The following CTNNA3 variants were observed in gnomAD, a reference collection of about 807,000 sequenced individuals.
CTNNA3 encodes catenin alpha 3, also known as catenin alpha-3.
In CTNNA3, 76 loss-of-function variants were observed where a neutral mutation model predicts 95.7. The ratio of observed to expected loss-of-function variants is 0.79; its 90% confidence interval spans 0.66 to 0.96. The LOEUF (loss-of-function observed/expected upper bound fraction) is 0.96, where lower values mean the gene tolerates loss of function less well. CTNNA3 is among the 40% of genes least tolerant of loss of function. The probability of loss-of-function intolerance (pLI) is 0.00; values close to 1 mark genes in which losing one functional copy is unlikely to be tolerated. For missense variants in CTNNA3, 1,191 were observed against 1,089.8 expected (o/e 1.09, Z -1.31); for synonymous variants, 431 against 374.4 (o/e 1.15, Z -1.74).
rs778009849 is a variant in CTNNA3, at chr10:67,346,687, G to A, written c.580-126817C>T. 66 of 512,022 alleles carry A rather than the reference G, an allele frequency of 1.3e-4. 1 individual carries two copies. The highest frequency in any genetic ancestry group is 8.5e-4 in the South Asian group (60 of 70,218). 31.7% of individuals were successfully genotyped at this position (512,022 alleles called of 1,614,324 possible). On this transcript the variant is annotated intron_variant, in intron 5 of 17. Coordinates refer to ENST00000433211, the MANE Select transcript of CTNNA3 (RefSeq NM_013266.4). ...CTGCAGGCCTTCCTAATCTCGTGGC[G>A]ATAGATGAGAGTTCATTAATAGAAA...
In CTNNA3 at chr10:67,308,285, C is replaced by CG. The variant is rs142453895; in HGVS notation, c.580-88416dup. 1.4e-4 allele frequency among the ~76,000 whole-genome samples: 21 copies of CG among 152,132 alleles called. No homozygotes were observed. The East Asian group carries it at 2.1e-3, about 15-fold the overall frequency. On this transcript the variant is annotated intron_variant, in intron 5 of 17. Transcript: ENST00000433211. ...ATACCCATGTGTCATCGGAGGGACCCGGGGGGGAAGTAATTGAATCATGGG... is the reference window on the plus strand; with the variant it reads ...ATACCCATGTGTCATCGGAGGGACCCGGGGGGGGAAGTAATTGAATCATGGG...
At chr10:67,066,995 T>A (rs1422411608) in intron 7 of CTNNA3, among the ~76,000 whole-genome samples, 1 of 152,166 alleles carries the variant, frequency 6.6e-6, no homozygotes. Context: ...GAAATTTATG[T>A]TTTTATAGGC....
intron 1 of CTNNA3, among the ~76,000 whole-genome samples, chr10:67,720,795 A>T (rs1472869356): frequency 6.6e-6 from 1 of 152,118 alleles, no homozygotes; most frequent in Non-Finnish European, 1.5e-5. Flanking sequence ...CTCTACTAAA[A>T]ATACAAAAAT....
chr10:66,426,424 C>T (rs2093241911), intron 11 of CTNNA3, among the ~76,000 whole-genome samples: 1 of 152,044 alleles, frequency 6.6e-6, no homozygotes, highest in Non-Finnish European at 1.5e-5. Context: ...TTTTAATTTA[C>T]TCTTCTTGCT....
chr10:67,046,648 A>G (rs187668899), intron 7 of CTNNA3, among the ~76,000 whole-genome samples: 97 of 152,368 alleles, frequency 6.4e-4, no homozygotes, highest in Middle Eastern at 6.8e-3. Context: ...TTTCAGCAGA[A>G]AAGATTGGAA....
Position 65,966,737 on chromosome 10 carries a change from G to T in CTNNA3, c.2275C>A (p.Pro759Thr). Residue 759 changes from proline to threonine, a missense_variant, in exon 17 of 18, where the codon CCA becomes ACA. Transcript: ENST00000433211. ...GCCAACAAGTCCTGTTTACAAGATG[G>T]ATCTGGGCACTAAATATGAATCAAA... ...ARQIANQCPD[P>T]SCKQDLLAYL... 1.2e-6 allele frequency: 2 copies of T among 1,609,060 alleles called. No individual in the cohort carries two copies. Among genetic ancestry groups the T allele is most frequent in the Non-Finnish European group, 1.7e-6 (2 of 1,176,424 alleles).
chr10:66,013,531 C>T (rs1469845375), intron 15 of CTNNA3, among the ~76,000 whole-genome samples: 1 of 152,180 alleles, frequency 6.6e-6, no homozygotes, highest in Non-Finnish European at 1.5e-5. Flanking sequence ...ACACACATCA[C>T]ACACTAGTAT....
At chr10:66,539,764 T>C (rs529694777) in intron 10 of CTNNA3, among the ~76,000 whole-genome samples, 10 of 152,164 alleles carry the variant, frequency 6.6e-5, no homozygotes, top group African/African-American at 2.4e-4. Context: ...AATTTTTTCC[T>C]TTACAAAAAA....
At chr10:67,693,077 C>T (rs1247899939) in intron 1 of CTNNA3, among the ~76,000 whole-genome samples, 2 of 152,286 alleles carry the variant, frequency 1.3e-5, no homozygotes, top group Non-Finnish European at 2.9e-5. Context: ...CCATTTTGCA[C>T]ACAGGAACTC....
chr10:67,432,798 T>TGG (rs1297735598), intron 5 of CTNNA3, among the ~76,000 whole-genome samples: 1 of 152,044 alleles, frequency 6.6e-6, no homozygotes, highest in Non-Finnish European at 1.5e-5. Flanking sequence ...TTTATCTTTT[T>TGG]GGGGGTCACC....
intron 11 of CTNNA3, among the ~76,000 whole-genome samples, chr10:66,385,415 T>A (rs539877675): frequency 6.6e-6 from 1 of 151,912 alleles, no homozygotes; most frequent in African/African-American, 2.4e-5. Flanking sequence ...TCTGAATAGA[T>A]CAATAACAGG....
chr10:66,038,010 C>A (rs142099479), intron 15 of CTNNA3, among the ~76,000 whole-genome samples: 61 of 152,282 alleles, frequency 4.0e-4, no homozygotes, highest in African/African-American at 1.4e-3. Context: ...TACGTGTTCA[C>A]CAGCCCAGAA....
At chr10:67,045,198 G>C (rs1459319002) in intron 7 of CTNNA3, among the ~76,000 whole-genome samples, 1 of 152,138 alleles carries the variant, frequency 6.6e-6, no homozygotes, top group Non-Finnish European at 1.5e-5. Context: ...CAGACTTGTA[G>C]TGGTATTCTT....
intron 7 of CTNNA3, among the ~76,000 whole-genome samples, chr10:67,133,218 G>GA (rs555560934): frequency 1.3e-5 from 2 of 148,530 alleles, no homozygotes. Context: ...CAATAAAAGA[G>GA]AAAAAATTAA....
intron 1 of CTNNA3, among the ~76,000 whole-genome samples, chr10:67,731,913 A>C (rs1252494868): frequency 6.6e-6 from 1 of 151,216 alleles, no homozygotes; most frequent in Non-Finnish European, 1.5e-5. Flanking sequence ...GGTACCCGCC[A>C]CCAAGCCCGG....
chr10:67,059,231 A>T (rs1027085265), intron 7 of CTNNA3, among the ~76,000 whole-genome samples: 1 of 152,198 alleles, frequency 6.6e-6, no homozygotes, highest in Non-Finnish European at 1.5e-5. Context: ...GAGCCAGATC[A>T]CCATTTTCCA....
chr10:67,642,510 G>T (rs536168514), intron 2 of CTNNA3, among the ~76,000 whole-genome samples: 4 of 152,154 alleles, frequency 2.6e-5, no homozygotes, highest in Non-Finnish European at 5.9e-5. Flanking sequence ...CTGAGGTCAG[G>T]AGTTCGAGAC....
rs145384933 is a variant in CTNNA3 at position 67,343,878 on chromosome 10, T to C, written c.580-124008A>G. ...TTTTTTCTCCATTCTATATGACAGA[T>C]CCCCAGCTAGTATAACACTACAGCT... is the stretch of plus-strand genomic sequence containing the variant. On this transcript the variant is annotated intron_variant, in intron 5 of 17. Coordinates refer to ENST00000433211, the MANE Select transcript of CTNNA3 (RefSeq NM_013266.4). 6.1e-3 allele frequency among the ~76,000 whole-genome samples: 916 copies of C among 150,104 alleles called. 32 individuals are homozygous for C. Among genetic ancestry groups the C allele is most frequent in the Admixed American group, 0.051 (763 of 15,054 alleles).
intron 2 of CTNNA3, among the ~76,000 whole-genome samples, chr10:67,646,303 C>A (rs1839711100): frequency 6.6e-6 from 1 of 151,474 alleles, no homozygotes; most frequent in South Asian, 2.1e-4. Context: ...ACACATGAGC[C>A]ACTGCACCCA....
Sources: allele counts gnomAD v4.1 joint callset (sites outside exome capture counted in the v4.1 genomes callset), GRCh38; gene constraint gnomAD v4.1.1; transcripts MANE v1.5; gene names NCBI Gene and HGNC (gene_info 2026-07-23, HGNC 2026-07-21).